DNAJC12: variants seen among roughly 807,000 people sequenced by gnomAD.
DNAJC12 encodes the protein DnaJ heat shock protein family (Hsp40) member C12.
DNAJC12 carries 25 observed loss-of-function variants against 28.5 expected under a neutral mutation model. The observed-to-expected ratio is 0.88, with a 90% CI of 0.64 to 1.22. DNAJC12 has a LOEUF of 1.22. DNAJC12 is among the 50% of genes most tolerant of loss of function. The pLI is 0.00. For missense variants in DNAJC12, 222 were observed against 231.7 expected (o/e 0.96, Z 0.27); for synonymous variants, 77 against 80.6 (o/e 0.95, Z 0.24).
chr10:67,816,539 CTTTCTTTTTTT>C (rs767163659), intron 2 of DNAJC12, among the ~76,000 whole-genome samples: 7 of 131,390 alleles, frequency 5.3e-5, no homozygotes, highest in Non-Finnish European at 8.0e-5. Flanking sequence ...CTGAAGTTTA[CTTTCTTTTTTT>C]TTTTTTTTTT....
At chr10:67,806,456 C>T in intron 3 of DNAJC12, among the ~76,000 whole-genome samples, 1 of 152,180 alleles carries the variant, frequency 6.6e-6, no homozygotes, top group African/African-American at 2.4e-5. Context: ...GGCTAATCAA[C>T]CCCAAGATCC....
intron 1 of DNAJC12, among the ~76,000 whole-genome samples, chr10:67,826,455 T>C (rs1286905183): frequency 2.6e-5 from 2 of 77,008 alleles, no homozygotes; most frequent in Admixed American, 1.5e-4. Context: ...TTTTAATGCA[T>C]ATATATATAT....
intron 2 of DNAJC12, among the ~76,000 whole-genome samples, chr10:67,819,686 GA>G (rs1564863181): frequency 0.026 from 379 of 14,686 alleles, 22 homozygotes; most frequent in Non-Finnish European, 0.035. Flanking sequence ...AAGAAAGAAA[GA>G]AAGAAAGAAA....
intron 1 of DNAJC12, among the ~76,000 whole-genome samples, chr10:67,830,457 A>T (rs1240786010): frequency 6.6e-6 from 1 of 151,354 alleles, no homozygotes; most frequent in African/African-American, 2.4e-5. Flanking sequence ...AAATATAAAA[A>T]ATTAGCTGGG....
intron 4 of DNAJC12, among the ~76,000 whole-genome samples, chr10:67,801,145 G>C (rs954011254): frequency 6.6e-6 from 1 of 152,158 alleles, no homozygotes; most frequent in Non-Finnish European, 1.5e-5. Context: ...TGTGGTGGGG[G>C]CTATTTGGTG....
At position 67,800,674 on chromosome 10, in the gene DNAJC12, G is replaced by A. The variant is rs547820154; in HGVS notation, c.503-3464C>T. Among the ~76,000 whole-genome samples, 12 of 152,258 alleles carry A rather than the reference G, an allele frequency of 7.9e-5. No homozygotes were observed. In the South Asian group the frequency reaches 1.2e-3, roughly 16 times the overall value. On this transcript the variant is annotated intron_variant, in intron 4 of 4. Transcript: ENST00000225171. Reference sequence around the variant, plus strand: ...ATTTAAATTTTTCTTGGTGGGACGCGGCGGCTCATGCCTGTAATCCCAGTG... The same window carrying A: ...ATTTAAATTTTTCTTGGTGGGACGCAGCGGCTCATGCCTGTAATCCCAGTG...
At chr10:67,815,334 C>T (rs1005468480) in intron 2 of DNAJC12, among the ~76,000 whole-genome samples, 3 of 151,990 alleles carry the variant, frequency 2.0e-5, no homozygotes, top group Non-Finnish European at 4.4e-5. Context: ...CATAGAGAAA[C>T]TCCATCTCTA....
rs192019200 is a variant in DNAJC12 at position 67,833,353 on chromosome 10, A to G, written c.78+4581T>C. 1.3e-4 allele frequency among the ~76,000 whole-genome samples: 20 copies of G among 152,278 alleles called. No individual in the cohort carries two copies. The East Asian group carries it at 3.1e-3, about 24-fold the overall frequency. ...AGAGACTGTAAGGCCTGCAAAGCCT[A>G]AAATATTTGCTATGCCAGGATCAGC... On this transcript the variant is annotated intron_variant, in intron 1 of 4. Transcript: ENST00000225171.
chr10:67,833,143 GA>G (rs1278736903), intron 1 of DNAJC12, among the ~76,000 whole-genome samples: 2 of 152,136 alleles, frequency 1.3e-5, no homozygotes, highest in African/African-American at 4.8e-5. Context: ...TCCTAGAACA[GA>G]AAAAGGGCAT....
rs367637580 is a variant in DNAJC12 at position 67,813,593 on chromosome 10, C to CAA, written c.158-1932_158-1931dup. On this transcript the variant is annotated intron_variant, in intron 2 of 4. Transcript: ENST00000225171. The stretch of plus-strand genomic sequence containing the variant: ...TGAAACCCCGTCTCTACTAAAAATA[C>CAA]AAAAAAAAAAAAAAATTAGTTGGGT... Among the ~76,000 whole-genome samples, 55 of 124,310 alleles carry CAA rather than the reference C, an allele frequency of 4.4e-4. 1 individual carries two copies. The highest frequency in any genetic ancestry group is 2.9e-3 in the East Asian group (13 of 4,516). The allele number at this position is 124,310 out of a possible 152,430, so 81.6% of individuals were successfully genotyped here.
intron 1 of DNAJC12, among the ~76,000 whole-genome samples, chr10:67,828,656 T>TTC (rs142433904): frequency 0.76 from 111,037 of 145,596 alleles, 43,874 homozygotes; most frequent in Non-Finnish European, 0.89. Flanking sequence ...ATATTCTATT[T>TTC]TCTCTCTCTC....
At chr10:67,824,574 T>C (rs1842011162) in intron 1 of DNAJC12, among the ~76,000 whole-genome samples, 1 of 152,062 alleles carries the variant, frequency 6.6e-6, no homozygotes, top group African/African-American at 2.4e-5. Flanking sequence ...GAGGCATCAA[T>C]GATTTGATTT....
chr10:67,830,497 A>C (rs774531380), intron 1 of DNAJC12, among the ~76,000 whole-genome samples: 15 of 150,294 alleles, frequency 1.0e-4, no homozygotes, highest in Non-Finnish European at 2.2e-4. Flanking sequence ...AATCACAGCT[A>C]TTCAGGAGGC....
chr10:67,814,043 A>C (rs1841889628), intron 2 of DNAJC12, among the ~76,000 whole-genome samples: 1 of 151,828 alleles, frequency 6.6e-6, no homozygotes, highest in South Asian at 2.1e-4. Flanking sequence ...TGCCAAAAAA[A>C]AAAAAAACTC....
chr10:67,816,285 CAACT>C (rs774167192), intron 2 of DNAJC12, among the ~76,000 whole-genome samples: 8 of 151,804 alleles, frequency 5.3e-5, no homozygotes, highest in Non-Finnish European at 7.4e-5. Context: ...GAAAATATAC[CAACT>C]GTTAATAGTG....
chr10:67,828,878 A>G lies in DNAJC12; in HGVS notation c.79-5486T>C, dbSNP rs565186727. ...AAGAGCACCATCAACTCAGACAGAC[A>G]TCGCCACTTTAAATTCCAGTTCCCT... On this transcript the variant is annotated intron_variant, in intron 1 of 4. Transcript: ENST00000225171. 1.2e-4 allele frequency among the ~76,000 whole-genome samples: 19 copies of G among 152,294 alleles called. No homozygotes were observed. The South Asian group carries it at 2.5e-3, about 20-fold the overall frequency.
chr10:67,799,993 G>A (rs755194979), intron 4 of DNAJC12, among the ~76,000 whole-genome samples: 1 of 152,026 alleles, frequency 6.6e-6, no homozygotes, highest in South Asian at 2.1e-4. Context: ...CACTTTGGGA[G>A]GCTGAGGCCA....
At chr10:67,799,327 A>T (rs1412289126) in intron 4 of DNAJC12, among the ~76,000 whole-genome samples, 1 of 152,216 alleles carries the variant, frequency 6.6e-6, no homozygotes, top group Admixed American at 6.5e-5. Flanking sequence ...ATTGGAGAAA[A>T]CAAATCTGAA....
chr10:67,826,679 A>C (rs1371504382), intron 1 of DNAJC12, among the ~76,000 whole-genome samples: 5 of 128,558 alleles, frequency 3.9e-5, no homozygotes, highest in African/African-American at 5.9e-5. Context: ...CATTATATAT[A>C]AGATATCTAA....
Sources: allele counts gnomAD v4.1 joint callset (sites outside exome capture counted in the v4.1 genomes callset), GRCh38; gene constraint gnomAD v4.1.1; transcripts MANE v1.5; gene names NCBI Gene and HGNC (gene_info 2026-07-23, HGNC 2026-07-21).